STARD13: variants seen among roughly 807,000 people sequenced by gnomAD.
STARD13 encodes the protein StAR related lipid transfer domain containing 13, also known as stAR-related lipid transfer protein 13.
Under a neutral mutation model 106.4 loss-of-function variants are expected in STARD13, and 62 were observed. That is an observed-to-expected ratio of 0.58 (90% CI 0.48 to 0.72). The LOEUF (loss-of-function observed/expected upper bound fraction) is 0.72, where lower values mean the gene tolerates loss of function less well. Ranked by LOEUF, STARD13 falls within the 30% of genes least tolerant of loss-of-function variation. The probability of loss-of-function intolerance (pLI) is 0.00; values close to 1 mark genes in which losing one functional copy is unlikely to be tolerated. For missense variants in STARD13, 1,387 were observed against 1,424.0 expected (o/e 0.97, Z 0.42); for synonymous variants, 565 against 553.0 (o/e 1.02, Z -0.31).
chr13:33,229,955 G>A (rs1166502274), intron 1 of STARD13, among the ~76,000 whole-genome samples: 1 of 152,206 alleles, frequency 6.6e-6, no homozygotes. Flanking sequence ...GCCAGAAATG[G>A]AGCAGAGACA....
intron 1 of STARD13, among the ~76,000 whole-genome samples, chr13:33,312,288 T>C (rs920537584): frequency 6.6e-6 from 1 of 152,204 alleles, no homozygotes; most frequent in African/African-American, 2.4e-5. Flanking sequence ...TTCCTCTTAT[T>C]TTCTTTTTCC....
At chr13:33,403,485 T>C in the STARD13 span, among the ~76,000 whole-genome samples, 1 of 152,220 alleles carries the variant, frequency 6.6e-6, no homozygotes. Flanking sequence ...ATATCATGGA[T>C]AGCCATGCTA....
chr13:33,379,043 G>A, the STARD13 span, among the ~76,000 whole-genome samples: 7 of 152,158 alleles, frequency 4.6e-5, no homozygotes, highest in African/African-American at 1.4e-4. Context: ...CTGGGAAGTC[G>A]AGGCTGTGGT....
chr13:33,623,563 C>T, the STARD13 span, among the ~76,000 whole-genome samples: 14 of 151,106 alleles, frequency 9.3e-5, no homozygotes, highest in South Asian at 6.3e-4. Context: ...GGGTTATTTT[C>T]GCCCCATAAA....
At chr13:33,287,554 T>C (rs1892117510), upstream of STARD13, among the ~76,000 whole-genome samples, 1 of 152,090 alleles carries the variant, frequency 6.6e-6, no homozygotes, top group East Asian at 1.9e-4. Flanking sequence ...GCATCGTCTG[T>C]GGAAGGTGAA....
chr13:33,299,234 C>T (rs1217417567), intron 1 of STARD13, among the ~76,000 whole-genome samples: 3 of 152,058 alleles, frequency 2.0e-5, no homozygotes, highest in Admixed American at 6.6e-5. Context: ...ACAAAATCAC[C>T]GAATGATGAA....
In STARD13 at chr13:33,110,725, C is replaced by T. The variant is rs35364312; in HGVS notation, c.2790G>A (p.Thr930=). The change falls in exon 11 of 14, where the codon ACG becomes ACA. Residue 930 remains threonine (T), a synonymous_variant. Transcript: ENST00000336934. ...GATCTGTATTGTCCGTGCTGGAGCA[C>T]GTGACCCATCCTTTGAACTTCTCCT... is the stretch of plus-strand genomic sequence containing the variant. ...EAKEKFKGWV[T]CSSTDNTDLA... is the part of the protein sequence containing the mutation. 3,517 of 1,614,194 alleles carry T rather than the reference C, an allele frequency of 2.2e-3. 56 individuals are homozygous for T. In the African/African-American group the frequency reaches 0.029, roughly 13 times the overall value.
chr13:33,142,763 G>A (rs757033602), intron 3 of STARD13, among the ~76,000 whole-genome samples: 1 of 152,136 alleles, frequency 6.6e-6, no homozygotes, highest in African/African-American at 2.4e-5. Flanking sequence ...CAACACAACC[G>A]TGTATCTTCT....
At position 33,107,457 on chromosome 13, in the gene STARD13, C is replaced by T. The variant is rs978526639; in HGVS notation, c.3048-523G>A. ...CTCTGGGATCACATAGAGGGGGCTG[C>T]GGGAGGAATATGGAGAAGGCTTCCT... is the stretch of plus-strand genomic sequence containing the variant. On this transcript the variant is annotated intron_variant, in intron 12 of 13. Coordinates refer to ENST00000336934, the MANE Select transcript of STARD13 (RefSeq NM_178006.4). 1.5e-4 allele frequency among the ~76,000 whole-genome samples: 23 copies of T among 152,056 alleles called. 1 individual carries two copies. The highest frequency in any genetic ancestry group is 6.2e-4 in the South Asian group (3 of 4,804).
chr13:33,625,194 T>C, the STARD13 span, among the ~76,000 whole-genome samples: 2 of 152,214 alleles, frequency 1.3e-5, no homozygotes, highest in African/African-American at 4.8e-5. Flanking sequence ...GAGAAAGAAA[T>C]GAGAACTCAT....
At chr13:33,656,691 G>T in the STARD13 span, 1 of 152,232 alleles carries the variant, frequency 6.6e-6, no homozygotes, top group Non-Finnish European at 1.5e-5. Context: ...AGCACAGGAA[G>T]TCCTCAGAAT....
rs1873392332 is a variant in STARD13 at position 33,103,961 on chromosome 13, A to G, written c.*1632T>C. On this transcript the variant is annotated 3_prime_UTR_variant, in exon 14 of 14. Coordinates refer to ENST00000336934, the MANE Select transcript of STARD13 (RefSeq NM_178006.4). ...TGAAAAATTTCTAGGTCATAATTCA[A>G]ACTGTAAGATTTTCCTCGCACCATA... 1 of 152,206 alleles carries G rather than the reference A, an allele frequency of 6.6e-6. No individual in the cohort carries two copies. The highest frequency in any genetic ancestry group is 2.4e-5 in the African/African-American group (1 of 41,462). 9.4% of individuals were successfully genotyped at this position (152,206 alleles called of 1,614,324 possible). A position where few individuals can be genotyped will look rare whatever the true frequency, so the allele number is the denominator to read the frequency against.
intron 4 of STARD13, among the ~76,000 whole-genome samples, chr13:33,133,690 T>C (rs1878658652): frequency 6.6e-6 from 1 of 151,968 alleles, no homozygotes; most frequent in Non-Finnish European, 1.5e-5. Flanking sequence ...TAATTATCCT[T>C]GTTTGTTTGT....
chr13:33,378,731 A>G, the STARD13 span, among the ~76,000 whole-genome samples: 1 of 151,154 alleles, frequency 6.6e-6, no homozygotes, highest in African/African-American at 2.4e-5. Flanking sequence ...CAGAGGTTGC[A>G]GTGAGCTGAG....
At position 33,167,612 on chromosome 13, in the gene STARD13, T is replaced by C. The variant is rs1157013128; in HGVS notation, c.180A>G (p.Ala60=). 1.1e-5 allele frequency: 17 copies of C among 1,614,066 alleles called. No homozygotes were observed. Among genetic ancestry groups the C allele is most frequent in the Non-Finnish European group, 1.4e-5 (16 of 1,180,032 alleles). ...CACGGAGCCAGTCACATGCTTCTTT[T>C]GCCTCAATTTCTGAAAAACACAAGA... is the stretch of plus-strand genomic sequence containing the variant. The part of the protein sequence containing the change: ...LVTKIQQEIE[A]KEACDWLRAA... Residue 60 remains alanine (A), a synonymous_variant, in exon 2 of 14, where the codon GCA becomes GCG. Coordinates refer to ENST00000336934, the MANE Select transcript of STARD13 (RefSeq NM_178006.4).
the STARD13 span, among the ~76,000 whole-genome samples, chr13:33,598,177 C>T: frequency 6.6e-6 from 1 of 152,128 alleles, no homozygotes; most frequent in Admixed American, 6.6e-5. Flanking sequence ...GACTTCTACT[C>T]CTAGAGATTT....
chr13:33,216,329 C>T (rs1427509555), intron 1 of STARD13, among the ~76,000 whole-genome samples: 10 of 152,150 alleles, frequency 6.6e-5, no homozygotes. Context: ...GCCCATCAAT[C>T]AATGAGTGGA....
At chr13:33,163,048 G>A (rs981845346) in intron 3 of STARD13, among the ~76,000 whole-genome samples, 1 of 152,134 alleles carries the variant, frequency 6.6e-6, no homozygotes, top group Non-Finnish European at 1.5e-5. Context: ...AATCATGGCG[G>A]GAGGCAAAAG....
chr13:33,324,952 C>G (rs1566139604), intron 1 of STARD13, among the ~76,000 whole-genome samples: 1 of 152,138 alleles, frequency 6.6e-6, no homozygotes, highest in Non-Finnish European at 1.5e-5. Flanking sequence ...TTCTATTGCC[C>G]TGTGTTTACA....
Sources: gnomAD v4.1 joint callset for allele counts (sites outside exome capture counted in the v4.1 genomes callset) on GRCh38, gnomAD v4.1.1 for gene constraint, MANE v1.5 for transcripts, NCBI Gene and HGNC (gene_info 2026-07-23, HGNC 2026-07-21) for gene names.